Variants in MBNL2 observed in about 807,000 individuals in gnomAD.
The protein encoded by MBNL2 is muscleblind-like protein 2.
MBNL2 carries 17 observed loss-of-function variants against 41.9 expected under a neutral mutation model. That is an observed-to-expected ratio of 0.41 (90% CI 0.28 to 0.61). The LOEUF is 0.61. Ranked by LOEUF, MBNL2 falls within the 20% of genes least tolerant of loss-of-function variation. MBNL2 has a pLI of 0.35. For missense variants in MBNL2, 336 were observed against 505.6 expected, an observed-to-expected ratio of 0.66 and a Z score of 3.22; for synonymous variants, 195 against 182.9, an observed-to-expected ratio of 1.07 and a Z score of -0.53.
chr13:97,357,661 CTGTGCCCTTCTGGTCA>C, intron 7 of MBNL2, 26 bp downstream of exon 7: 1 of 1,609,520 alleles, frequency 6.2e-7, no homozygotes, highest in Non-Finnish European at 8.5e-7. Context: ...GCCCTACGTC[CTGTGCCCTTCTGGTCA>C]TGTGCTTTCT....
chr13:97,351,682 G>C (rs1590800), intron 5 of MBNL2, among the ~76,000 whole-genome samples: 139,241 of 152,260 alleles, frequency 0.91, 63,922 homozygotes, highest in East Asian at 1. Flanking sequence ...GTAGCTTCCT[G>C]TCTCCTTTCA....
At chr13:97,330,306 C>T (rs930252773) in intron 2 of MBNL2, among the ~76,000 whole-genome samples, 2 of 152,162 alleles carry the variant, frequency 1.3e-5, no homozygotes, top group Non-Finnish European at 2.9e-5. Context: ...CTTACTGGCC[C>T]TAGCTGAGGC....
At chr13:97,200,718 C>A in the MBNL2 span, among the ~76,000 whole-genome samples, 1 of 152,116 alleles carries the variant, frequency 6.6e-6, no homozygotes, top group Non-Finnish European at 1.5e-5. Context: ...CCTACAGACA[C>A]CACTGAAAGA....
chr13:97,171,788 A>G, the MBNL2 span, among the ~76,000 whole-genome samples: 436 of 152,242 alleles, frequency 2.9e-3, 1 homozygote, highest in African/African-American at 0.01. Flanking sequence ...AGCTCCCATA[A>G]TTCCCATGTG....
the MBNL2 span, among the ~76,000 whole-genome samples, chr13:97,158,906 T>C: frequency 6.6e-6 from 1 of 151,410 alleles, no homozygotes; most frequent in African/African-American, 2.4e-5. Flanking sequence ...TAGATGTCTA[T>C]TAGGTCCACT....
At chr13:97,216,493 T>C (rs960766881), upstream of MBNL2, among the ~76,000 whole-genome samples, 4 of 152,168 alleles carry the variant, frequency 2.6e-5, no homozygotes, top group Non-Finnish European at 4.4e-5. Context: ...GCCCTAAGAT[T>C]GAATAATCAC....
At chr13:97,294,486 G>A (rs557884813) in intron 2 of MBNL2, among the ~76,000 whole-genome samples, 4 of 152,168 alleles carry the variant, frequency 2.6e-5, no homozygotes, top group Admixed American at 1.3e-4. Flanking sequence ...AGAGCATTAC[G>A]GGCTAGGTAG....
chr13:97,335,683 A>T (rs2060822109), intron 3 of MBNL2, among the ~76,000 whole-genome samples: 3 of 152,230 alleles, frequency 2.0e-5, no homozygotes, highest in Non-Finnish European at 4.4e-5. Flanking sequence ...ATTCAAGCAC[A>T]GGAAATGACG....
chr13:97,157,242 T>A, the MBNL2 span, among the ~76,000 whole-genome samples: 1 of 142,282 alleles, frequency 7.0e-6, no homozygotes, highest in Non-Finnish European at 1.5e-5. Flanking sequence ...GCACATTGAT[T>A]TTGTATCCTG....
rs1423101808 is a variant in MBNL2 at position 97,271,131 on chromosome 13, T to G, written c.-604-4501T>G. On this transcript the variant is annotated intron_variant, in intron 1 of 8. Coordinates refer to ENST00000679496, the MANE Select transcript of MBNL2 (RefSeq NM_001382683.1). The stretch of plus-strand genomic sequence containing the variant: ...TTTTTTGTTTTTTTTTTTTTGTTTT[T>G]TTTTTTTGAGACAGAGGCTCTCTGT... Among the ~76,000 whole-genome samples the G allele has an allele frequency of 6.6e-5, 10 of 150,738 alleles. 1 individual carries two copies. Among genetic ancestry groups the G allele is most frequent in the African/African-American group, 7.3e-5 (3 of 41,068 alleles).
the MBNL2 span, among the ~76,000 whole-genome samples, chr13:97,178,950 A>G: frequency 6.6e-6 from 1 of 152,212 alleles, no homozygotes; most frequent in Non-Finnish European, 1.5e-5. Flanking sequence ...ATAGCTTTAA[A>G]TGTTTAATTT....
At chr13:97,287,711 C>G (rs377260958) in intron 2 of MBNL2, among the ~76,000 whole-genome samples, 1 of 136,092 alleles carries the variant, frequency 7.3e-6, no homozygotes, top group East Asian at 2.1e-4. Flanking sequence ...TTTTTCTTTT[C>G]TTTTCTTTTC....
the MBNL2 span, among the ~76,000 whole-genome samples, chr13:97,196,193 C>T: frequency 6.6e-6 from 1 of 152,134 alleles, no homozygotes; most frequent in African/African-American, 2.4e-5. Context: ...TGTTGAGAGA[C>T]TCATGGATCC....
At chr13:97,202,377 C>A in the MBNL2 span, among the ~76,000 whole-genome samples, 15 of 152,210 alleles carry the variant, frequency 9.9e-5, no homozygotes, top group African/African-American at 3.6e-4. Flanking sequence ...GTCAGATGGG[C>A]CAGATTTGAA....
At chr13:97,239,212 G>A (rs1194796028) in intron 1 of MBNL2, among the ~76,000 whole-genome samples, 1 of 152,132 alleles carries the variant, frequency 6.6e-6, no homozygotes, top group Non-Finnish European at 1.5e-5. Flanking sequence ...TCATACTACA[G>A]GGTATCAGCA....
At chr13:97,357,668 C>T in intron 7 of MBNL2, 33 bp downstream of exon 7, 2 of 1,607,626 alleles carry the variant, frequency 1.2e-6, no homozygotes, top group Non-Finnish European at 1.7e-6. Context: ...GTCCTGTGCC[C>T]TTCTGGTCAT....
intron 2 of MBNL2, among the ~76,000 whole-genome samples, chr13:97,325,875 G>C (rs2059871861): frequency 6.6e-6 from 1 of 152,152 alleles, no homozygotes. Flanking sequence ...AATGTCAGGG[G>C]CCAGTGCCAG....
In MBNL2 at chr13:97,334,564, T is replaced by C. The variant is rs2060719310; in HGVS notation, c.339+124T>C. 1 of 574,220 alleles carries C rather than the reference T, an allele frequency of 1.7e-6. No individual in the cohort carries two copies. The highest frequency in any genetic ancestry group is 2.9e-6 in the Non-Finnish European group (1 of 341,122). 35.6% of individuals were successfully genotyped at this position (574,220 alleles called of 1,614,324 possible). A position where few individuals can be genotyped will look rare whatever the true frequency, so the allele number is the denominator to read the frequency against. On this transcript the variant is annotated intron_variant, in intron 3 of 8. Transcript: ENST00000679496. The surrounding 1 kb of genome is among the most constrained non-coding windows in gnomAD (Gnocchi z 5.3). Reference sequence around the variant, plus strand: ...TGGTTACAATTAAAGCAAATAGCTTTAAAGCTCAATAGATGAAGGAAAATA... The same window carrying C: ...TGGTTACAATTAAAGCAAATAGCTTCAAAGCTCAATAGATGAAGGAAAATA...
chr13:97,217,456 G>A (rs151287372), upstream of MBNL2, among the ~76,000 whole-genome samples: 34 of 152,302 alleles, frequency 2.2e-4, no homozygotes, highest in African/African-American at 7.0e-4. Flanking sequence ...TCAAGGTGCC[G>A]TGAGAGTCAT....
Sources: allele counts gnomAD v4.1 joint callset (sites outside exome capture counted in the v4.1 genomes callset), GRCh38; gene constraint gnomAD v4.1.1; non-coding constraint Gnocchi (gnomAD v3.1); transcripts MANE v1.5; gene names NCBI Gene and HGNC (gene_info 2026-07-23, HGNC 2026-07-21).